The following TBC1D5 variants were observed in gnomAD, a reference collection of about 807,000 sequenced individuals.
TBC1D5 encodes the protein TBC1 domain family, member 5.
In TBC1D5, 75 loss-of-function variants were observed where a neutral mutation model predicts 100.3. That is an observed-to-expected ratio of 0.75 (90% CI 0.62 to 0.91). The LOEUF (loss-of-function observed/expected upper bound fraction) is 0.91, where lower values mean the gene tolerates loss of function less well. TBC1D5 is among the 40% of genes least tolerant of loss of function. TBC1D5 has a pLI of 0.00. For missense variants in TBC1D5, 910 were observed against 942.4 expected, an observed-to-expected ratio of 0.97 and a Z score of 0.45; for synonymous variants, 323 against 325.6, an observed-to-expected ratio of 0.99 and a Z score of 0.09.
At chr3:17,382,492 CTTA>C (rs920541548) in intron 9 of TBC1D5, among the ~76,000 whole-genome samples, 3 of 151,808 alleles carry the variant, frequency 2.0e-5, no homozygotes, top group East Asian at 1.9e-4. Flanking sequence ...AATATTTTTA[CTTA>C]AAGTCTTCTC....
At chr3:17,187,373 A>G (rs2069266745) in intron 18 of TBC1D5, among the ~76,000 whole-genome samples, 1 of 152,232 alleles carries the variant, frequency 6.6e-6, no homozygotes, top group Non-Finnish European at 1.5e-5. Context: ...AGGCTACAAT[A>G]TTGAAAGAAA....
intron 13 of TBC1D5, among the ~76,000 whole-genome samples, chr3:17,330,733 T>C (rs1206730437): frequency 5.9e-5 from 9 of 152,178 alleles, no homozygotes; most frequent in African/African-American, 1.7e-4. Flanking sequence ...TTCAGACTAA[T>C]ATGTGTAGCT....
intron 4 of TBC1D5, among the ~76,000 whole-genome samples, chr3:17,415,001 GGTTT>G (rs969448464): frequency 6.6e-6 from 1 of 152,012 alleles, no homozygotes; most frequent in Non-Finnish European, 1.5e-5. Context: ...ATTGCCTAGA[GGTTT>G]GTTAAAATTA....
intron 2 of TBC1D5, among the ~76,000 whole-genome samples, chr3:17,542,217 G>C (rs1483225374): frequency 6.6e-6 from 1 of 152,116 alleles, no homozygotes; most frequent in Non-Finnish European, 1.5e-5. Flanking sequence ...CTTGAGCCTG[G>C]GAGGCAGAGG....
intron 2 of TBC1D5, among the ~76,000 whole-genome samples, chr3:17,522,868 T>C (rs141414895): frequency 2.6e-4 from 40 of 152,328 alleles, no homozygotes; most frequent in Non-Finnish European, 4.1e-4. Flanking sequence ...AAATAATTTT[T>C]AGAATTTTGA....
intron 13 of TBC1D5, chr3:17,340,781 T>C (rs1049481990): frequency 2.0e-5 from 3 of 152,348 alleles, no homozygotes; most frequent in Middle Eastern, 3.4e-3. Context: ...ACTAGCTTCC[T>C]TGCAGGGATC....
intron 13 of TBC1D5, among the ~76,000 whole-genome samples, chr3:17,322,494 G>A (rs986100359): frequency 2.0e-5 from 3 of 152,130 alleles, no homozygotes; most frequent in East Asian, 1.9e-4. Flanking sequence ...CTGACATAAG[G>A]GGGAAAAACC....
intron 3 of TBC1D5, among the ~76,000 whole-genome samples, chr3:17,439,843 G>A (rs2094611797): frequency 6.6e-6 from 1 of 152,066 alleles, no homozygotes; most frequent in Admixed American, 6.5e-5. Flanking sequence ...CAAAATCCTT[G>A]TAGATTATTA....
rs2074152373 is a variant in TBC1D5, at chr3:17,706,279, G to C, written c.-101+33064C>G. 8 of 1,545,214 alleles carry C rather than the reference G, an allele frequency of 5.2e-6. No homozygotes were observed. The East Asian group carries it at 2.0e-4, about 38-fold the overall frequency. Reference sequence around the variant, plus strand: ...TTCTTCACATACTCAGCTCTAAAGAGTTGAACTAGAGGGTCTCACCTTTTC... The same window carrying C: ...TTCTTCACATACTCAGCTCTAAAGACTTGAACTAGAGGGTCTCACCTTTTC... On this transcript the variant is annotated intron_variant, in intron 1 of 21. Transcript: ENST00000253692.
At chr3:17,391,006 A>T (rs4684313) in intron 8 of TBC1D5, among the ~76,000 whole-genome samples, 151,927 of 152,098 alleles carry the variant, frequency 1, 75,878 homozygotes, top group Middle Eastern at 1. Flanking sequence ...GGAATGAGAG[A>T]GGAAATTATG....
intron 8 of TBC1D5, among the ~76,000 whole-genome samples, chr3:17,389,356 G>A (rs1284689574): frequency 6.6e-6 from 1 of 152,060 alleles, no homozygotes; most frequent in African/African-American, 2.4e-5. Context: ...TCCTCCCATA[G>A]AAAGATGAAA....
intron 1 of TBC1D5, among the ~76,000 whole-genome samples, chr3:17,736,978 A>C (rs1051415045): frequency 1.3e-5 from 2 of 151,898 alleles, no homozygotes; most frequent in Non-Finnish European, 2.9e-5. Flanking sequence ...GCGCCACTGC[A>C]CTCCAGCCTG....
intron 3 of TBC1D5, among the ~76,000 whole-genome samples, chr3:17,487,129 C>T (rs1559997914): frequency 6.6e-6 from 1 of 152,128 alleles, no homozygotes; most frequent in Non-Finnish European, 1.5e-5. Context: ...ACATCTACAC[C>T]AATCTGTTTA....
In TBC1D5 at chr3:17,500,573, C is replaced by T. The variant is rs188465646; in HGVS notation, c.97+7901G>A. On this transcript the variant is annotated intron_variant, in intron 3 of 21. Transcript: ENST00000253692. ...CCCTAATAGATAATCAATAGTCTTC[C>T]AATCACCAAATCATGTATTTCCTCC... is the stretch of plus-strand genomic sequence containing the variant. Among the ~76,000 whole-genome samples the T allele has an allele frequency of 1.1e-3, 157 of 149,418 alleles. 6 individuals are homozygous for T. The South Asian group carries it at 0.019, about 18-fold the overall frequency.
At chr3:17,364,436 T>C (rs969589566) in intron 13 of TBC1D5, among the ~76,000 whole-genome samples, 1 of 152,220 alleles carries the variant, frequency 6.6e-6, no homozygotes, top group South Asian at 2.1e-4. Context: ...AGATTTTACA[T>C]GCCAAAATTC....
chr3:17,488,225 A>C (rs1367981409), intron 3 of TBC1D5, among the ~76,000 whole-genome samples: 1 of 152,178 alleles, frequency 6.6e-6, no homozygotes, highest in Non-Finnish European at 1.5e-5. Context: ...TAGTTGGAAT[A>C]ATGTATGTAG....
At chr3:17,705,897 G>C (rs567294281) in intron 1 of TBC1D5, among the ~76,000 whole-genome samples, 1 of 152,018 alleles carries the variant, frequency 6.6e-6, no homozygotes, top group Non-Finnish European at 1.5e-5. Context: ...CAAGGCAGGC[G>C]TCTGCTCCTT....
chr3:17,397,980 T>C (rs1344167417), intron 8 of TBC1D5, among the ~76,000 whole-genome samples: 1 of 152,166 alleles, frequency 6.6e-6, no homozygotes, highest in Non-Finnish European at 1.5e-5. Context: ...CAAATGATGT[T>C]ATAGATGCTG....
intron 4 of TBC1D5, among the ~76,000 whole-genome samples, chr3:17,427,724 CT>C (rs1215939684): frequency 1.3e-5 from 2 of 151,802 alleles, no homozygotes; most frequent in African/African-American, 4.8e-5. Context: ...TGAATTTGCA[CT>C]TTTTTCCTAA....
Sources: gnomAD v4.1 joint callset for allele counts (sites outside exome capture counted in the v4.1 genomes callset) on GRCh38, gnomAD v4.1.1 for gene constraint, MANE v1.5 for transcripts, NCBI Gene and HGNC (gene_info 2026-07-23, HGNC 2026-07-21) for gene names.